FAT2: variants seen among roughly 807,000 people sequenced by gnomAD.
The protein encoded by FAT2 is protocadherin Fat 2.
Under a neutral mutation model 295.3 loss-of-function variants are expected in FAT2, and 150 were observed. The observed-to-expected ratio is 0.51, with a 90% CI of 0.44 to 0.58. FAT2 has a LOEUF of 0.58. Ranked by LOEUF, FAT2 falls within the 20% of genes least tolerant of loss-of-function variation. The pLI is 0.00. For synonymous variants in FAT2, 2,026 were observed against 2,150.3 expected, an observed-to-expected ratio of 0.94 and a Z score of 1.60; for missense variants, 4,868 against 5,442.7, an observed-to-expected ratio of 0.89 and a Z score of 3.32.
intron 15 of FAT2, among the ~76,000 whole-genome samples, chr5:151,528,553 T>C (rs1754259775): frequency 6.6e-6 from 1 of 152,156 alleles, no homozygotes; most frequent in Non-Finnish European, 1.5e-5. Flanking sequence ...CTTTCGGGGC[T>C]GGAGCAGGCA....
rs77434333 is a variant in FAT2, at chr5:151,583,015, G to A, written c.-21+8150C>T. On this transcript the variant is annotated intron_variant, in intron 1 of 23. Transcript: ENST00000261800. ...CCTACACATATCACTGTCTGCACACGCCTCTGTTCATCAGCATCTCCAACC... is the reference window on the plus strand; with the variant it reads ...CCTACACATATCACTGTCTGCACACACCTCTGTTCATCAGCATCTCCAACC... 4.4e-3 allele frequency among the ~76,000 whole-genome samples: 675 copies of A among 152,212 alleles called. 5 individuals carry two copies. The highest frequency in any genetic ancestry group is 0.016 in the African/African-American group (656 of 41,520).
chr5:151,532,082 A>G, intron 13 of FAT2, 112 bp from the exon 14 acceptor site: 3 of 1,408,458 alleles, frequency 2.1e-6, no homozygotes, highest in African/African-American at 2.9e-5. Context: ...ATGAAGGCGG[A>G]CAAGCTGGCT....
At chr5:151,533,903 T>C (rs563054998) in intron 13 of FAT2, among the ~76,000 whole-genome samples, 1 of 152,222 alleles carries the variant, frequency 6.6e-6, no homozygotes, top group East Asian at 1.9e-4. Context: ...GCAATTTACC[T>C]TGTAAATTTT....
At chr5:151,592,716 A>G (rs1759460032), upstream of FAT2, among the ~76,000 whole-genome samples, 1 of 152,204 alleles carries the variant, frequency 6.6e-6, no homozygotes, top group African/African-American at 2.4e-5. Context: ...ATGGGGTCAC[A>G]ACTGTGCTGG....
chr5:151,568,772 T>A lies in FAT2; in HGVS notation c.160A>T (p.Ser54Cys), dbSNP rs1226846110. The A allele has an allele frequency of 1.2e-6, 2 of 1,613,998 alleles. No homozygotes were observed. The highest frequency in any genetic ancestry group is 3.3e-5 in the Admixed American group (2 of 60,008). ...AGGTAGATGCCCATTTTCTCGAAGC[T>A]CTCCACATAGGTCTTGGGAGAAGAA... ...ENSSPKTYVE[S>C]FEKMGIYLAE... is the part of the protein sequence containing the mutation. The change falls in exon 2 of 24, where the codon AGC becomes TGC. Residue 54 changes from serine (S) to cysteine (C), a missense_variant. Ser to Cys is a moderately radical substitution (Grantham distance 112). Transcript: ENST00000261800.
intron 19 of FAT2, 80 bp from the exon 20 acceptor site, chr5:151,517,845 C>T: frequency 1.3e-6 from 2 of 1,525,068 alleles, no homozygotes; most frequent in East Asian, 2.3e-5. Context: ...CTTATTTAAT[C>T]CTTGGGTGGC....
Position 151,505,494 on chromosome 5 carries a change from CT to C in FAT2, c.*70del. ...CTCCCAGCCACACTCAACTCACCCCCTACGAGACAGGAAGAAATAAGCCAAG... is the reference window on the plus strand; with the variant it reads ...CTCCCAGCCACACTCAACTCACCCCCACGAGACAGGAAGAAATAAGCCAAG... On this transcript the variant is annotated 3_prime_UTR_variant, in exon 24 of 24. Transcript: ENST00000261800. The C allele has an allele frequency of 6.3e-7, 1 of 1,586,650 alleles. No individual in the cohort carries two copies. Among genetic ancestry groups the C allele is most frequent in the South Asian group, 1.1e-5 (1 of 88,728 alleles).
chr5:151,580,382 T>C (rs1246578462), intron 1 of FAT2, among the ~76,000 whole-genome samples: 1 of 152,204 alleles, frequency 6.6e-6, no homozygotes, highest in African/African-American at 2.4e-5. Flanking sequence ...CTGGTAACAC[T>C]TACCTTCCTG....
intron 3 of FAT2, among the ~76,000 whole-genome samples, chr5:151,557,110 T>C (rs970549793): frequency 2.6e-5 from 4 of 152,082 alleles, no homozygotes; most frequent in Non-Finnish European, 5.9e-5. Flanking sequence ...AAGCAACCAG[T>C]AGGGTTACTG....
rs565781331 is a variant in FAT2, at chr5:151,525,547, A to G, written c.10506+221T>C. ...GTATTACTTTAAGCCAGTCACTTAA[A>G]TCCCCTGTGTTCCTCAGTTTCCTCA... On this transcript the variant is annotated intron_variant, in intron 18 of 23. Transcript: ENST00000261800. Among the ~76,000 whole-genome samples the G allele has an allele frequency of 2.0e-5, 3 of 151,394 alleles. No homozygotes were observed. In the East Asian group the frequency reaches 5.8e-4, roughly 29 times the overall value.
chr5:151,547,501 A>G (rs1051702199), intron 9 of FAT2, among the ~76,000 whole-genome samples: 5 of 152,216 alleles, frequency 3.3e-5, no homozygotes. Context: ...TATTCCCTCT[A>G]TCACGTGAGA....
intron 9 of FAT2, 38 bp from the exon 10 acceptor site, chr5:151,546,375 C>A: frequency 6.6e-7 from 1 of 1,508,390 alleles, no homozygotes; most frequent in South Asian, 1.2e-5. Flanking sequence ...TTGCCACACC[C>A]TCGACAGGTA....
chr5:151,523,633 G>C (rs10057239), intron 18 of FAT2, among the ~76,000 whole-genome samples: 9,796 of 152,254 alleles, frequency 0.064, 422 homozygotes, highest in African/African-American at 0.12. Context: ...TAGGCAGGAC[G>C]TGTGCCTGGG....
chr5:151,566,273 G>A lies in FAT2; in HGVS notation c.2659C>T (p.Pro887Ser), dbSNP rs2127645659. The change falls in exon 2 of 24, where the codon CCT becomes TCT. Residue 887 changes from proline to serine, a missense_variant. This residue lies in a region of FAT2 where 3,297 missense variants were observed against 3,669.4 expected (regional missense o/e 0.90). Transcript: ENST00000261800. Reference sequence around the variant, plus strand: ...GCCTCCACCTTGAGTATGTACCGAGGCTCTGATTCGCGGTCCAGGTGTCCT... The same window carrying A: ...GCCTCCACCTTGAGTATGTACCGAGACTCTGATTCGCGGTCCAGGTGTCCT... ...VTGHLDRESE[P>S]RYILKVEARD... is the part of the protein sequence containing the mutation. 1.2e-6 allele frequency: 2 copies of A among 1,614,130 alleles called. No homozygotes were observed. The highest frequency in any genetic ancestry group is 1.1e-5 in the South Asian group (1 of 91,060).
chr5:151,510,141 C>G lies in FAT2; in HGVS notation c.11939G>C (p.Gly3980Ala). ...YVCKCPPQFS[G>A]KHCEQGRENC... ...CTCCCTTCCTTGTTCACAGTGCTTC[C>G]CAGAGAACTGTGGGGGACATTTGCA... Residue 3980 changes from glycine to alanine, a missense_variant, in exon 22 of 24, where the codon GGG becomes GCG. Physicochemically the swap from Gly to Ala is moderately conservative, Grantham distance 60. This residue lies in a region of FAT2 where 24 missense variants were observed against 53.3 expected (regional missense o/e 0.45). Transcript: ENST00000261800. The G allele has an allele frequency of 6.2e-7, 1 of 1,614,072 alleles. No homozygotes were observed. The highest frequency in any genetic ancestry group is 8.5e-7 in the Non-Finnish European group (1 of 1,180,002).
intron 23 of FAT2, 76 bp from the exon 24 acceptor site, chr5:151,506,173 A>C: frequency 1.4e-6 from 2 of 1,442,710 alleles, no homozygotes; most frequent in South Asian, 1.5e-5. Context: ...GCAACTATAT[A>C]TAACCTAGCG....
At chr5:151,582,790 T>G (rs1402808265) in intron 1 of FAT2, among the ~76,000 whole-genome samples, 1 of 152,166 alleles carries the variant, frequency 6.6e-6, no homozygotes, top group African/African-American at 2.4e-5. Context: ...AAAGCCTGTT[T>G]CAGGAGGACT....
At position 151,505,559 on chromosome 5, in the gene FAT2, G is replaced by A; in HGVS notation, c.*6C>T. ...CTCCCGCCTGCCTTGCTCTGGGAAT[G>A]GGAAGCTAGAACATGACCTCCTCAC... On this transcript the variant is annotated 3_prime_UTR_variant, in exon 24 of 24. Coordinates refer to ENST00000261800, the MANE Select transcript of FAT2 (RefSeq NM_001447.3). 6.2e-7 allele frequency: 1 copy of A among 1,614,028 alleles called. No individual in the cohort carries two copies.
chr5:151,568,777 A>T lies in FAT2; in HGVS notation c.155T>A (p.Val52Glu), dbSNP rs1758402745. ...IYENSSPKTYVESFEKMGIYL... is the reference protein window; with the variant it reads ...IYENSSPKTYEESFEKMGIYL... ...GATGCCCATTTTCTCGAAGCTCTCC[A>T]CATAGGTCTTGGGAGAAGAATTTTC... Residue 52 changes from valine (V) to glutamate (E), a missense_variant, in exon 2 of 24, where the codon GTG becomes GAG. Coordinates refer to ENST00000261800, the MANE Select transcript of FAT2 (RefSeq NM_001447.3). 1 of 1,614,022 alleles carries T rather than the reference A, an allele frequency of 6.2e-7. No individual in the cohort carries two copies. The highest frequency in any genetic ancestry group is 8.5e-7 in the Non-Finnish European group (1 of 1,180,024).
Sources: gnomAD v4.1 joint callset for allele counts (sites outside exome capture counted in the v4.1 genomes callset) on GRCh38, gnomAD v4.1.1 for gene constraint, gnomAD v4.1.1 regional missense constraint, MANE v1.5 for transcripts, NCBI Gene and HGNC (gene_info 2026-07-23, HGNC 2026-07-21) for gene names.